UGT1A1: variants seen among roughly 807,000 people sequenced by gnomAD.
The protein encoded by UGT1A1 is UDP glucuronosyltransferase family 1 member A1, also known as UDP-glucuronosyltransferase 1A1.
UGT1A1 carries 33 observed loss-of-function variants against 40.6 expected under a neutral mutation model. The observed-to-expected ratio is 0.81, with a 90% confidence interval of 0.62 to 1.09. The LOEUF is 1.09. UGT1A1 is among the 50% of genes least tolerant of loss of function. The probability of loss-of-function intolerance (pLI) is 0.00; values close to 1 mark genes in which losing one functional copy is unlikely to be tolerated. For synonymous variants in UGT1A1, 249 were observed against 265.0 expected, an observed-to-expected ratio of 0.94 and a Z score of 0.59; for missense variants, 694 against 671.2, an observed-to-expected ratio of 1.03 and a Z score of -0.38.
Position 233,768,355 on chromosome 2 carries a change from A to AG in UGT1A1, c.1223dup (p.Ala409SerfsTer13), listed in dbSNP as rs758192306. 7.4e-6 allele frequency: 12 copies of AG among 1,614,082 alleles called. No individual in the cohort carries two copies. Among genetic ancestry groups the AG allele is most frequent in the Non-Finnish European group, 1.0e-5 (12 of 1,180,036 alleles). On this transcript the variant is annotated frameshift_variant, in exon 4 of 5. Transcript: ENST00000305208. LOFTEE classifies it high-confidence loss of function. The stretch of plus-strand genomic sequence containing the variant: ...GACAATGCAAAGCGCATGGAGACTA[A>AG]GGGAGCTGGAGTGACCCTGAATGTT...
chr2:233,769,459 A>G lies in UGT1A1; in HGVS notation c.1304+1020A>G. On this transcript the variant is annotated intron_variant, in intron 4 of 4. Coordinates refer to ENST00000305208, the MANE Select transcript of UGT1A1 (RefSeq NM_000463.3). This position sits in a 1 kb window ranked among gnomAD's most constrained non-coding sequence, Gnocchi z 4.4. The stretch of plus-strand genomic sequence containing the variant: ...TGTGTGGGTGCACACGTGTGCATTC[A>G]TATGCGTGTGTGTGTGTGTGCGTGT... 1 of 1,591,312 alleles carries G rather than the reference A, an allele frequency of 6.3e-7. No individual in the cohort carries two copies. Among genetic ancestry groups the G allele is most frequent in the Non-Finnish European group, 8.6e-7 (1 of 1,161,842 alleles).
intron 4 of UGT1A1, chr2:233,770,806 G>A (rs1700161628): frequency 6.6e-6 from 1 of 152,116 alleles, no homozygotes; most frequent in Admixed American, 6.5e-5. Context: ...TTTAAAGACA[G>A]TGTATTAGGC....
rs769310438 is a variant in UGT1A1 at position 233,760,575 on chromosome 2, G to A, written c.288G>A (p.Gly96=). The A allele has an allele frequency of 1.1e-5, 18 of 1,614,108 alleles. No individual in the cohort carries two copies. Among genetic ancestry groups the A allele is most frequent in the Non-Finnish European group, 1.5e-5 (18 of 1,180,054 alleles). Residue 96 remains glycine (G), a synonymous_variant, in exon 1 of 5, where the codon GGG becomes GGA. Transcript: ENST00000305208. ...EDVKESFVSL[G]HNVFENDSFL... ...TGAAAGAGTCTTTTGTTAGTCTCGG[G>A]CATAATGTTTTTGAGAATGATTCTT... is the stretch of plus-strand genomic sequence containing the variant.
rs1185395607 is a variant in UGT1A1, at chr2:233,760,792, G to C, written c.505G>C (p.Val169Leu). The change falls in exon 1 of 5, where the codon GTA (valine) becomes CTA (leucine). Residue 169 changes from valine to leucine, a missense_variant. Physicochemically the swap from Val to Leu is conservative, Grantham distance 32 (BLOSUM62 1). Coordinates refer to ENST00000305208, the MANE Select transcript of UGT1A1 (RefSeq NM_000463.3). ...IVAQYLSLPT[V>L]FFLHALPCSL... ...GGCCCAGTACCTGTCTCTGCCCACT[G>C]TATTCTTCTTGCATGCACTGCCATG... is the stretch of plus-strand genomic sequence containing the variant. The C allele has an allele frequency of 6.2e-7, 1 of 1,613,510 alleles. No individual in the cohort carries two copies.
chr2:233,761,013 G>A lies in UGT1A1; in HGVS notation c.726G>A (p.Val242=). Residue 242 remains valine, a synonymous_variant, in exon 1 of 5, where the codon GTG becomes GTA. Transcript: ENST00000305208. ...CCTCAGAATTCCTTCAGAGAGAGGT[G>A]ACTGTCCAGGACCTATTGAGCTCTG... ...TLASEFLQRE[V]TVQDLLSSAS... The A allele has an allele frequency of 6.2e-7, 1 of 1,614,176 alleles. No individual in the cohort carries two copies. The highest frequency in any genetic ancestry group is 8.5e-7 in the Non-Finnish European group (1 of 1,180,034).
intron 1 of UGT1A1, among the ~76,000 whole-genome samples, chr2:233,765,584 C>A (rs1030389138): frequency 6.6e-6 from 1 of 151,846 alleles, no homozygotes; most frequent in African/African-American, 2.4e-5. Context: ...GGGAGGGGAA[C>A]AACACACACC....
rs374047963 is a variant in UGT1A1 at position 233,768,235 on chromosome 2, G to C, written c.1100G>C (p.Arg367Pro). 6.2e-7 allele frequency: 1 copy of C among 1,614,136 alleles called. No individual in the cohort carries two copies. The highest frequency in any genetic ancestry group is 1.3e-5 in the African/African-American group (1 of 75,020). Reference sequence around the variant, plus strand: ...TGCATCTCAGGTCACCCGATGACCCGTGCCTTTATCACCCATGCTGGTTCC... The same window carrying C: ...TGCATCTCAGGTCACCCGATGACCCCTGCCTTTATCACCCATGCTGGTTCC... ...QNDLLGHPMT[R>P]AFITHAGSHG... Residue 367 changes from arginine to proline, a missense_variant, in exon 4 of 5, where the codon CGT becomes CCT. Arg to Pro is a moderately radical substitution (Grantham distance 103). Transcript: ENST00000305208.
chr2:233,761,536 A>C (rs1039884807), intron 1 of UGT1A1, among the ~76,000 whole-genome samples: 1 of 152,248 alleles, frequency 6.6e-6, no homozygotes, highest in Non-Finnish European at 1.5e-5. Context: ...TGATGAAATC[A>C]TTCTTTGATG....
intron 1 of UGT1A1, among the ~76,000 whole-genome samples, chr2:233,764,963 G>A (rs1465022385): frequency 6.6e-6 from 1 of 152,090 alleles, no homozygotes; most frequent in East Asian, 1.9e-4. Flanking sequence ...GCTCACCTTG[G>A]GAGAAGGATG....
Position 233,765,258 on chromosome 2 carries a change from A to G in UGT1A1, c.865-1776A>G, listed in dbSNP as rs28900400. On this transcript the variant is annotated intron_variant, in intron 1 of 4. Coordinates refer to ENST00000305208, the MANE Select transcript of UGT1A1 (RefSeq NM_000463.3). ...AGACTCAGTAATCCCATTACTGGGT[A>G]TATACCCAAAGAAATATAAATTATT... Among the ~76,000 whole-genome samples, 1,446 of 152,334 alleles carry G rather than the reference A, an allele frequency of 9.5e-3. 33 individuals carry two copies. Among genetic ancestry groups the G allele is most frequent in the African/African-American group, 0.033 (1,355 of 41,576 alleles).
chr2:233,761,524 A>G (rs1388397599), intron 1 of UGT1A1, among the ~76,000 whole-genome samples: 1 of 152,234 alleles, frequency 6.6e-6, no homozygotes, highest in Non-Finnish European at 1.5e-5. Flanking sequence ...AATGTTCAGG[A>G]CTGATGAAAT....
At chr2:233,763,091 G>C (rs1453938427) in intron 1 of UGT1A1, among the ~76,000 whole-genome samples, 1 of 152,216 alleles carries the variant, frequency 6.6e-6, no homozygotes, top group Non-Finnish European at 1.5e-5. Context: ...ATGTTTGTAG[G>C]AGAGGCACCG....
At chr2:233,762,404 G>A (rs1193458401) in intron 1 of UGT1A1, among the ~76,000 whole-genome samples, 1 of 152,070 alleles carries the variant, frequency 6.6e-6, no homozygotes, top group Non-Finnish European at 1.5e-5. Flanking sequence ...AAATTTTTTG[G>A]TTGCTTTTTC....
rs988153178 is a variant in UGT1A1, at chr2:233,772,888, GTGGTCCCACGGC to G, written c.*332_*343del. ...CTGTTTGGGAGTGCGGGATTCAAAG[GTGGTCCCACGGC>G]TGCCCCTACTGCAAATGGCAGTTTT... On this transcript the variant is annotated 3_prime_UTR_variant, in exon 5 of 5. Coordinates refer to ENST00000305208, the MANE Select transcript of UGT1A1 (RefSeq NM_000463.3). The G allele has an allele frequency of 1.9e-6, 1 of 534,950 alleles. No individual in the cohort carries two copies. The highest frequency in any genetic ancestry group is 1.9e-5 in the African/African-American group (1 of 51,616). 33.1% of individuals were successfully genotyped at this position (534,950 alleles called of 1,614,324 possible).
intron 1 of UGT1A1, 68 bp downstream of exon 1, chr2:233,761,219 T>C: frequency 6.2e-7 from 1 of 1,613,544 alleles, no homozygotes; most frequent in South Asian, 1.1e-5. Flanking sequence ...ATCGATTAAC[T>C]AGCCCCAGAT....
chr2:233,768,031 A>G (rs1699551852), intron 3 of UGT1A1, 95 bp downstream of exon 3: 2 of 1,612,748 alleles, frequency 1.2e-6, no homozygotes, highest in Non-Finnish European at 8.5e-7. Context: ...GAGCTTGAAA[A>G]TATTATGGCC....
chr2:233,772,962 G>T lies in UGT1A1; in HGVS notation c.*403G>T, dbSNP rs1038101651. On this transcript the variant is annotated 3_prime_UTR_variant, in exon 5 of 5. Coordinates refer to ENST00000305208, the MANE Select transcript of UGT1A1 (RefSeq NM_000463.3). ...TTGGCTTCTGCAGATGGTTGCAATT[G>T]ATCCTTAACCAATAATGGTCAGTCC... 6.4e-6 allele frequency: 2 copies of T among 313,106 alleles called. No homozygotes were observed. Among genetic ancestry groups the T allele is most frequent in the Middle Eastern group, 1.1e-3 (1 of 878 alleles). 19.4% of individuals were successfully genotyped at this position (313,106 alleles called of 1,614,324 possible). A position where few individuals can be genotyped will look rare whatever the true frequency, so the allele number is the denominator to read the frequency against.
chr2:233,772,862 C>A lies in UGT1A1; in HGVS notation c.*303C>A. 1 of 682,608 alleles carries A rather than the reference C, an allele frequency of 1.5e-6. No homozygotes were observed. The highest frequency in any genetic ancestry group is 2.2e-6 in the Non-Finnish European group (1 of 464,492). 42.3% of individuals were successfully genotyped at this position (682,608 alleles called of 1,614,324 possible). A position where few individuals can be genotyped will look rare whatever the true frequency, so the allele number is the denominator to read the frequency against. On this transcript the variant is annotated 3_prime_UTR_variant, in exon 5 of 5. Coordinates refer to ENST00000305208, the MANE Select transcript of UGT1A1 (RefSeq NM_000463.3). ...TTACTTTTCTTACTCTGAAACATGGCCTGTTTGGGAGTGCGGGATTCAAAG... is the reference window on the plus strand; with the variant it reads ...TTACTTTTCTTACTCTGAAACATGGACTGTTTGGGAGTGCGGGATTCAAAG...
intron 2 of UGT1A1, 65 bp downstream of exon 2, chr2:233,767,230 G>C: frequency 2.5e-6 from 4 of 1,610,018 alleles, no homozygotes; most frequent in South Asian, 2.2e-5. Context: ...CAGACTTCCA[G>C]CTTCCAGATT....
Sources: gnomAD v4.1 joint callset for allele counts (sites outside exome capture counted in the v4.1 genomes callset) on GRCh38, gnomAD v4.1.1 for gene constraint, Gnocchi (gnomAD v3.1) non-coding constraint, MANE v1.5 for transcripts, NCBI Gene and HGNC (gene_info 2026-07-23, HGNC 2026-07-21) for gene names.